The following GPM6A variants were observed in gnomAD, a reference collection of about 807,000 sequenced individuals.
GPM6A encodes glycoprotein M6A.
In GPM6A, 7 loss-of-function variants were observed where a neutral mutation model predicts 32.1. The observed-to-expected ratio is 0.22, with a 90% CI of 0.12 to 0.41. The LOEUF is 0.41. Among genes scored for constraint, GPM6A ranks in the 10% least tolerant of loss-of-function variants. The pLI is 1.00. For synonymous variants in GPM6A, 130 were observed against 123.4 expected (o/e 1.05, Z -0.35); for missense variants, 235 against 347.2 (o/e 0.68, Z 2.57).
At chr4:175,662,526 G>A (rs1452611175) in intron 3 of GPM6A, among the ~76,000 whole-genome samples, 1 of 152,000 alleles carries the variant, frequency 6.6e-6, no homozygotes, top group Non-Finnish European at 1.5e-5. Flanking sequence ...CTTGAACCTG[G>A]GAGGCGGAGA....
intron 3 of GPM6A, among the ~76,000 whole-genome samples, chr4:175,666,111 G>A (rs1171475944): frequency 6.6e-6 from 1 of 151,634 alleles, no homozygotes; most frequent in East Asian, 2.0e-4. Flanking sequence ...GTAGAGAAGG[G>A]GTTTCACCAT....
intron 1 of GPM6A, among the ~76,000 whole-genome samples, chr4:175,871,773 C>T (rs553682966): frequency 1.1e-4 from 17 of 152,252 alleles, no homozygotes; most frequent in African/African-American, 3.9e-4. Context: ...ACTCTTTAAC[C>T]TTGGACTAAT....
At chr4:175,971,059 A>C (rs1448143577) in intron 1 of GPM6A, 1 of 295,712 alleles carries the variant, frequency 3.4e-6, no homozygotes, top group Non-Finnish European at 6.6e-6. Flanking sequence ...ACCCCAGAAA[A>C]GGTGCAATTC....
At chr4:175,689,469 T>G (rs1477208109) in intron 2 of GPM6A, among the ~76,000 whole-genome samples, 2 of 151,918 alleles carry the variant, frequency 1.3e-5, no homozygotes, top group Non-Finnish European at 2.9e-5. Context: ...TTTTTGAAGC[T>G]ATTGTAAATG....
intron 1 of GPM6A, among the ~76,000 whole-genome samples, chr4:175,976,043 T>G (rs1740646462): frequency 6.6e-6 from 1 of 152,220 alleles, no homozygotes; most frequent in Admixed American, 6.5e-5. Flanking sequence ...TGTCTTCTAA[T>G]TTGGCCTTGT....
chr4:175,668,008 C>T (rs969603889), intron 3 of GPM6A, among the ~76,000 whole-genome samples: 5 of 152,134 alleles, frequency 3.3e-5, no homozygotes, highest in African/African-American at 9.7e-5. Context: ...CCATTTCTGG[C>T]TGTTGTAAGT....
chr4:175,837,127 A>G (rs1414979907), intron 1 of GPM6A, among the ~76,000 whole-genome samples: 1 of 149,954 alleles, frequency 6.7e-6, no homozygotes, highest in East Asian at 1.9e-4. Context: ...GAACAAGAGC[A>G]AGAGAGAGAG....
chr4:175,932,345 A>C (rs1026276116), intron 1 of GPM6A, among the ~76,000 whole-genome samples: 5 of 152,170 alleles, frequency 3.3e-5, no homozygotes, highest in Non-Finnish European at 7.4e-5. Flanking sequence ...ATCTTCTGCC[A>C]GGCGAGGACT....
intron 6 of GPM6A, among the ~76,000 whole-genome samples, chr4:175,636,264 A>G (rs1354054008): frequency 0.018 from 569 of 31,062 alleles, 3 homozygotes; most frequent in Non-Finnish European, 0.027. Flanking sequence ...ATCACTGTAT[A>G]TATATATATA....
intron 1 of GPM6A, among the ~76,000 whole-genome samples, chr4:175,730,882 C>G (rs193156780): frequency 8.5e-5 from 13 of 152,228 alleles, no homozygotes; most frequent in African/African-American, 3.1e-4. Context: ...CTCCATTTTT[C>G]TTGACACTGC....
chr4:175,702,973 T>C (rs2111068643), intron 1 of GPM6A, among the ~76,000 whole-genome samples: 1 of 152,328 alleles, frequency 6.6e-6, no homozygotes, highest in East Asian at 1.9e-4. Flanking sequence ...TGAGAGCACA[T>C]TGGACACACC....
At chr4:175,761,996 A>G (rs1398238311) in intron 1 of GPM6A, among the ~76,000 whole-genome samples, 1 of 152,046 alleles carries the variant, frequency 6.6e-6, no homozygotes, top group Admixed American at 6.6e-5. Context: ...GTTTCACTAT[A>G]TGGGTCAGGC....
rs1281487495 is a variant in GPM6A, at chr4:175,915,341, C to T, written c.-23+86968G>A. ...TCGCTCTGTCACCCAGGCTGGAGTG[C>T]AGTGGTGTGATCTCAGCTCACTGCA... On this transcript the variant is annotated intron_variant, in intron 1 of 7. Transcript: ENST00000280187. 2.7e-5 allele frequency among the ~76,000 whole-genome samples: 4 copies of T among 150,070 alleles called. No individual in the cohort carries two copies. In the East Asian group the frequency reaches 7.8e-4, roughly 29 times the overall value.
intron 1 of GPM6A, among the ~76,000 whole-genome samples, chr4:175,791,165 G>A (rs923511978): frequency 4.6e-5 from 7 of 151,978 alleles, no homozygotes; most frequent in African/African-American, 1.7e-4. Flanking sequence ...ATTCTCAGAT[G>A]AGTTTATTTA....
At chr4:175,773,829 A>G (rs553953847) in intron 1 of GPM6A, among the ~76,000 whole-genome samples, 2 of 152,314 alleles carry the variant, frequency 1.3e-5, no homozygotes, top group African/African-American at 4.8e-5. Flanking sequence ...ATTTCAGTAT[A>G]TGCAAAGTCT....
chr4:175,944,625 C>T (rs1312400338), intron 1 of GPM6A, among the ~76,000 whole-genome samples: 1 of 152,208 alleles, frequency 6.6e-6, no homozygotes, highest in East Asian at 1.9e-4. Context: ...AATACCATTA[C>T]AATCTCTGCA....
chr4:175,811,771 C>A, intron 1 of GPM6A: 1 of 154,354 alleles, frequency 6.5e-6, no homozygotes, highest in Non-Finnish European at 1.4e-5. Flanking sequence ...GGTCTTTGTT[C>A]TATCAGATGT....
chr4:176,002,271 C>G (rs764251475), intron 1 of GPM6A: 3 of 1,594,750 alleles, frequency 1.9e-6, no homozygotes, highest in Admixed American at 3.4e-5. Context: ...CGAGGCCGAG[C>G]CTTTGGGCGA....
chr4:175,824,282 G>C (rs1050487753), intron 1 of GPM6A, among the ~76,000 whole-genome samples: 1 of 152,124 alleles, frequency 6.6e-6, no homozygotes, highest in Non-Finnish European at 1.5e-5. Flanking sequence ...TGAACCTGCA[G>C]ACACCACTTG....
Sources: gnomAD v4.1 joint callset for allele counts (sites outside exome capture counted in the v4.1 genomes callset) on GRCh38, gnomAD v4.1.1 for gene constraint, MANE v1.5 for transcripts, NCBI Gene and HGNC (gene_info 2026-07-23, HGNC 2026-07-21) for gene names.